FAM3C: variants seen among roughly 807,000 people sequenced by gnomAD.
FAM3C encodes FAM3 metabolism regulating signaling molecule C.
Under a neutral mutation model 32.5 loss-of-function variants are expected in FAM3C, and 15 were observed. The ratio of observed to expected loss-of-function variants is 0.46; its 90% CI spans 0.31 to 0.71. The LOEUF (loss-of-function observed/expected upper bound fraction) is 0.71, where lower values mean the gene tolerates loss of function less well. FAM3C is among the 30% of genes least tolerant of loss of function. The pLI is 0.05. For missense variants in FAM3C, 175 were observed against 274.4 expected (o/e 0.64, Z 2.56); for synonymous variants, 75 against 86.1 (o/e 0.87, Z 0.72).
intron 3 of FAM3C, among the ~76,000 whole-genome samples, chr7:121,376,843 A>T (rs911427105): frequency 3.9e-5 from 6 of 152,156 alleles, no homozygotes; most frequent in African/African-American, 9.7e-5. Flanking sequence ...CTCACCTTGG[A>T]GCTGTCAGAA....
intron 1 of FAM3C, among the ~76,000 whole-genome samples, chr7:121,392,794 C>T (rs929308377): frequency 2.0e-5 from 3 of 151,954 alleles, no homozygotes; most frequent in African/African-American, 7.3e-5. Context: ...AAACAAAATG[C>T]AGTACGTATC....
At chr7:121,380,094 T>C (rs1794319035) in intron 2 of FAM3C, 1 of 152,208 alleles carries the variant, frequency 6.6e-6, no homozygotes, top group Non-Finnish European at 1.5e-5. Flanking sequence ...TATACACTGA[T>C]ACTATCAACA....
At chr7:121,372,024 A>G (rs1794157197) in intron 4 of FAM3C, 86 bp downstream of exon 4, 1 of 941,030 alleles carries the variant, frequency 1.1e-6, no homozygotes, top group Non-Finnish European at 1.6e-6. Flanking sequence ...TTTTCCTCAT[A>G]CTGAACTACT....
At chr7:121,389,457 A>G (rs1317759229) in intron 1 of FAM3C, among the ~76,000 whole-genome samples, 2 of 152,140 alleles carry the variant, frequency 1.3e-5, no homozygotes, top group Non-Finnish European at 2.9e-5. Flanking sequence ...TTGTTTTCCA[A>G]GCTACTACTA....
chr7:121,386,692 C>CACATAT (rs933333713), intron 1 of FAM3C, among the ~76,000 whole-genome samples: 1 of 147,184 alleles, frequency 6.8e-6, no homozygotes. Context: ...CACACGCACA[C>CACATAT]ATATATATAT....
intron 9 of FAM3C, among the ~76,000 whole-genome samples, chr7:121,350,779 G>C (rs1317075352): frequency 6.6e-6 from 1 of 152,054 alleles, no homozygotes; most frequent in Non-Finnish European, 1.5e-5. Context: ...AGGATTATTT[G>C]CTACTCAAAA....
At chr7:121,395,611 A>T (rs1007725290) in intron 1 of FAM3C, among the ~76,000 whole-genome samples, 1 of 152,174 alleles carries the variant, frequency 6.6e-6, no homozygotes, top group East Asian at 1.9e-4. Context: ...CTGTGAGAGC[A>T]GTAGCAAACA....
chr7:121,351,140 A>C lies in FAM3C; in HGVS notation c.594+3T>G. ...GTTAATTCTGAGAGTCTATGACACT[A>C]ACCTGTTCAAAAGGGCTTTTTGTCT... is the stretch of plus-strand genomic sequence containing the variant. On this transcript the variant is annotated splice_donor_region_variant and intron_variant, in intron 9 of 9. Transcript: ENST00000359943. 1 of 1,612,842 alleles carries C rather than the reference A, an allele frequency of 6.2e-7. No individual in the cohort carries two copies. Among genetic ancestry groups the C allele is most frequent in the Non-Finnish European group, 8.5e-7 (1 of 1,179,442 alleles).
intron 1 of FAM3C, among the ~76,000 whole-genome samples, chr7:121,384,865 A>G (rs1197674439): frequency 3.3e-5 from 5 of 152,218 alleles, no homozygotes; most frequent in Non-Finnish European, 7.3e-5. Context: ...GGATAGGAGT[A>G]TTGAATATAT....
At chr7:121,352,324 T>TTC (rs1474804403) in intron 8 of FAM3C, among the ~76,000 whole-genome samples, 1 of 152,038 alleles carries the variant, frequency 6.6e-6, no homozygotes, top group Non-Finnish European at 1.5e-5. Flanking sequence ...TTATGGTTTT[T>TTC]TTAAAAAAGC....
At chr7:121,361,969 G>A (rs1172401220) in intron 7 of FAM3C, among the ~76,000 whole-genome samples, 3 of 152,202 alleles carry the variant, frequency 2.0e-5, no homozygotes, top group Non-Finnish European at 4.4e-5. Context: ...GAGCCACCAC[G>A]TCCGGCTACA....
chr7:121,365,814 A>C (rs1794013952), intron 5 of FAM3C, among the ~76,000 whole-genome samples: 1 of 152,160 alleles, frequency 6.6e-6, no homozygotes, highest in Admixed American at 6.5e-5. Context: ...AAAGGGTAGA[A>C]AGAGACATAT....
intron 1 of FAM3C, among the ~76,000 whole-genome samples, 196 bp downstream of exon 1, chr7:121,395,966 C>T (rs1437640754): frequency 6.6e-6 from 1 of 151,458 alleles, no homozygotes; most frequent in African/African-American, 2.4e-5. Context: ...AGCGGCTCTC[C>T]GGGACCCCAG....
At chr7:121,395,296 CATATATATGGATACAT>C (rs1794665106) in intron 1 of FAM3C, among the ~76,000 whole-genome samples, 3 of 126,152 alleles carry the variant, frequency 2.4e-5, no homozygotes, top group Admixed American at 7.6e-5. Context: ...TGGATACATA[CATATATATGGATACAT>C]ACATACATAT....
intron 1 of FAM3C, among the ~76,000 whole-genome samples, chr7:121,384,369 C>T (rs949704847): frequency 2.6e-5 from 4 of 152,140 alleles, no homozygotes; most frequent in East Asian, 1.9e-4. Flanking sequence ...AAAAAACCTC[C>T]GCTTTTTAAA....
intron 9 of FAM3C, among the ~76,000 whole-genome samples, chr7:121,350,797 T>C (rs1293858998): frequency 1.3e-5 from 2 of 152,176 alleles, no homozygotes. Flanking sequence ...AAAACTAACA[T>C]TTACATTCTA....
intron 3 of FAM3C, among the ~76,000 whole-genome samples, chr7:121,373,779 T>C (rs1794190572): frequency 6.6e-6 from 1 of 152,030 alleles, no homozygotes. Context: ...TCCCAGCACT[T>C]TGAGAGGCTG....
intron 1 of FAM3C, among the ~76,000 whole-genome samples, chr7:121,387,880 C>G (rs557584995): frequency 6.6e-6 from 1 of 152,024 alleles, no homozygotes; most frequent in African/African-American, 2.4e-5. Context: ...TTTAAAAAAC[C>G]TTGTCTTTAA....
chr7:121,374,661 C>A (rs904065229), intron 3 of FAM3C, among the ~76,000 whole-genome samples: 1 of 152,166 alleles, frequency 6.6e-6, no homozygotes, highest in South Asian at 2.1e-4. Context: ...TAAAACCACA[C>A]AATTAAATTT....
Sources: allele counts gnomAD v4.1 joint callset (sites outside exome capture counted in the v4.1 genomes callset), GRCh38; gene constraint gnomAD v4.1.1; transcripts MANE v1.5; gene names NCBI Gene and HGNC (gene_info 2026-07-23, HGNC 2026-07-21).